The following CCDC102B variants were observed in gnomAD, a reference collection of about 807,000 sequenced individuals.
The protein encoded by CCDC102B is coiled-coil domain containing 102B.
In CCDC102B, 75 loss-of-function variants were observed where a neutral mutation model predicts 57.4. That is an observed-to-expected ratio of 1.31 (90% CI 1.08 to 1.58). The LOEUF (loss-of-function observed/expected upper bound fraction) is 1.58, where lower values mean the gene tolerates loss of function less well. CCDC102B is among the 40% of genes most tolerant of loss of function. The pLI, the probability that CCDC102B is intolerant of heterozygous loss-of-function variation, is 0.00. For synonymous variants in CCDC102B, 206 were observed against 201.9 expected (o/e 1.02, Z -0.17); for missense variants, 636 against 582.6 (o/e 1.09, Z -0.94).
At chr18:68,971,556 A>G (rs1055659634) in intron 6 of CCDC102B, among the ~76,000 whole-genome samples, 1 of 152,160 alleles carries the variant, frequency 6.6e-6, no homozygotes, top group African/African-American at 2.4e-5. Flanking sequence ...GTGTGCACCA[A>G]TAATTAATCT....
chr18:68,765,289 AAAGAAAGG>A (rs1171619891), intron 2 of CCDC102B, among the ~76,000 whole-genome samples: 85 of 87,486 alleles, frequency 9.7e-4, no homozygotes, highest in Middle Eastern at 9.6e-3. Context: ...GAAAGAAAAG[AAAGAAAGG>A]AAGGAAGGAA....
rs1311604416 is a variant in CCDC102B, at chr18:68,997,319, G to C, written c.1264-13615G>C. On this transcript the variant is annotated intron_variant, in intron 6 of 7. Transcript: ENST00000360242. ...TTCTATATACTTACAATTCTAATTTGGTTGTTTGGCAGAGAATTGACAAGT... is the reference window on the plus strand; with the variant it reads ...TTCTATATACTTACAATTCTAATTTCGTTGTTTGGCAGAGAATTGACAAGT... 2.0e-5 allele frequency among the ~76,000 whole-genome samples: 3 copies of C among 151,992 alleles called. No homozygotes were observed. In the East Asian group the frequency reaches 5.8e-4, roughly 29 times the overall value.
chr18:68,763,070 C>T (rs947926338), intron 2 of CCDC102B, among the ~76,000 whole-genome samples: 18 of 151,996 alleles, frequency 1.2e-4, no homozygotes, highest in Admixed American at 3.3e-4. Context: ...TATAATTTTA[C>T]GTGGGTTATA....
intron 1 of CCDC102B, among the ~76,000 whole-genome samples, chr18:68,799,513 A>G (rs527957442): frequency 2.5e-4 from 38 of 152,300 alleles, no homozygotes; most frequent in South Asian, 8.3e-4. Context: ...TAATTCTTAA[A>G]ATACAAGAAA....
chr18:68,826,626 A>G (rs1834305219), intron 1 of CCDC102B, among the ~76,000 whole-genome samples: 1 of 152,162 alleles, frequency 6.6e-6, no homozygotes, highest in Admixed American at 6.5e-5. Context: ...GGGACATTTT[A>G]GAAGTGTGTC....
intron 2 of CCDC102B, chr18:68,754,119 G>A (rs1377279924): frequency 1.3e-5 from 2 of 151,642 alleles, no homozygotes; most frequent in Admixed American, 6.6e-5. Context: ...TTATTACTTG[G>A]GTGTAAATTA....
intron 4 of CCDC102B, among the ~76,000 whole-genome samples, 177 bp downstream of exon 4, chr18:68,846,598 A>G (rs1259530815): frequency 6.6e-6 from 1 of 151,868 alleles, no homozygotes; most frequent in African/African-American, 2.4e-5. Context: ...GGTCAAATTC[A>G]GACTCTATGA....
downstream of CCDC102B, chr18:69,055,191 C>G: frequency 1.0e-6 from 1 of 957,048 alleles, no homozygotes; most frequent in Admixed American, 6.2e-5. Flanking sequence ...ATCAGAGTCT[C>G]TCATTGTAAA....
At chr18:68,976,777 C>A (rs1209646470) in intron 6 of CCDC102B, among the ~76,000 whole-genome samples, 12 of 151,854 alleles carry the variant, frequency 7.9e-5, no homozygotes, top group Non-Finnish European at 1.5e-5. Flanking sequence ...ATTAGGATTG[C>A]AATATATTTA....
At chr18:68,957,802 A>G (rs1043325384) in intron 6 of CCDC102B, among the ~76,000 whole-genome samples, 12 of 152,070 alleles carry the variant, frequency 7.9e-5, no homozygotes, top group South Asian at 2.1e-4. Flanking sequence ...GTGTTTTACA[A>G]TTTTCATCAT....
At chr18:68,914,979 G>GAC (rs1568328439) in intron 6 of CCDC102B, among the ~76,000 whole-genome samples, 1 of 151,124 alleles carries the variant, frequency 6.6e-6, no homozygotes, top group Non-Finnish European at 1.5e-5. Context: ...TGGGGGGAGA[G>GAC]AGAGAGAGAG....
intron 6 of CCDC102B, among the ~76,000 whole-genome samples, chr18:68,968,041 A>G (rs960346859): frequency 6.6e-6 from 1 of 152,204 alleles, no homozygotes; most frequent in African/African-American, 2.4e-5. Flanking sequence ...AATGATGATG[A>G]CAGTGATAAT....
chr18:68,932,279 G>A (rs2041701045), intron 6 of CCDC102B, among the ~76,000 whole-genome samples: 1 of 151,380 alleles, frequency 6.6e-6, no homozygotes, highest in Non-Finnish European at 1.5e-5. Context: ...ATAAATAACT[G>A]TATTATTCTA....
chr18:68,996,761 C>A (rs567941048), intron 6 of CCDC102B, among the ~76,000 whole-genome samples: 2 of 152,176 alleles, frequency 1.3e-5, no homozygotes, highest in South Asian at 4.1e-4. Context: ...ACACTTTGGA[C>A]TTGAACTTTT....
chr18:68,984,520 CT>C (rs1599794265), intron 6 of CCDC102B, among the ~76,000 whole-genome samples: 1 of 152,210 alleles, frequency 6.6e-6, no homozygotes, highest in East Asian at 1.9e-4. Context: ...GTCCTTCTCC[CT>C]AGAAACTATT....
At chr18:68,736,864 C>T (rs1392374088) in intron 2 of CCDC102B, among the ~76,000 whole-genome samples, 2 of 151,952 alleles carry the variant, frequency 1.3e-5, no homozygotes, top group African/African-American at 4.8e-5. Flanking sequence ...CACAGCCAAA[C>T]CATATCAATA....
chr18:68,818,356 T>G (rs1262277891), intron 1 of CCDC102B, among the ~76,000 whole-genome samples: 3 of 152,224 alleles, frequency 2.0e-5, no homozygotes, highest in Admixed American at 2.0e-4. Flanking sequence ...AGACAGTACT[T>G]AGCAATTGGC....
At chr18:68,965,627 T>C (rs1200703778) in intron 6 of CCDC102B, among the ~76,000 whole-genome samples, 1 of 151,304 alleles carries the variant, frequency 6.6e-6, no homozygotes, top group Non-Finnish European at 1.5e-5. Flanking sequence ...TATATATATA[T>C]AAAAAACCAG....
At chr18:68,907,898 T>G (rs1287573860) in intron 6 of CCDC102B, 1 of 152,236 alleles carries the variant, frequency 6.6e-6, no homozygotes, top group Non-Finnish European at 1.5e-5. Flanking sequence ...ACTTTTATCA[T>G]TGATTATTAG....
Sources: allele counts gnomAD v4.1 joint callset (sites outside exome capture counted in the v4.1 genomes callset), GRCh38; gene constraint gnomAD v4.1.1; transcripts MANE v1.5; gene names NCBI Gene and HGNC (gene_info 2026-07-23, HGNC 2026-07-21).